Variants in FBXO36 observed in about 807,000 individuals in gnomAD.
The protein encoded by FBXO36 is F-box protein 36, also known as F-box only protein 36.
FBXO36 carries 18 observed loss-of-function variants against 17.0 expected under a neutral mutation model. The ratio of observed to expected loss-of-function variants is 1.06; its 90% CI spans 0.73 to 1.57. The LOEUF (loss-of-function observed/expected upper bound fraction) is 1.57, where lower values mean the gene tolerates loss of function less well. FBXO36 is among the 40% of genes most tolerant of loss of function. The probability of loss-of-function intolerance (pLI) is 0.00; values close to 1 mark genes in which losing one functional copy is unlikely to be tolerated. For synonymous variants in FBXO36, 83 were observed against 85.3 expected (o/e 0.97, Z 0.15); for missense variants, 229 against 221.9 (o/e 1.03, Z -0.20).
At chr2:229,989,110 T>C (rs2077285294) in intron 2 of FBXO36, among the ~76,000 whole-genome samples, 1 of 152,136 alleles carries the variant, frequency 6.6e-6, no homozygotes, top group Non-Finnish European at 1.5e-5. Context: ...GTTATAATTT[T>C]GAGTTAATGG....
chr2:229,925,305 G>A (rs1167822915), intron 1 of FBXO36, among the ~76,000 whole-genome samples: 1 of 151,954 alleles, frequency 6.6e-6, no homozygotes, highest in Non-Finnish European at 1.5e-5. Context: ...AGTAAAATTT[G>A]TTGTAAAAAA....
intron 1 of FBXO36, among the ~76,000 whole-genome samples, chr2:229,933,600 C>T (rs1022092816): frequency 3.3e-5 from 5 of 152,148 alleles, no homozygotes; most frequent in African/African-American, 1.2e-4. Flanking sequence ...GGGTGCGAGC[C>T]TATAGTCCCA....
At position 229,978,609 on chromosome 2, in the gene FBXO36, T is replaced by C. The variant is rs542152634; in HGVS notation, c.205+2260T>C. Among the ~76,000 whole-genome samples the C allele has an allele frequency of 6.6e-5, 10 of 152,002 alleles. No homozygotes were observed. In the South Asian group the frequency reaches 2.1e-3, roughly 32 times the overall value. ...TCTCAAAAAATAATAATAATAATAATAGTAATATTTTAAAGCTAGAAGACA... is the reference window on the plus strand; with the variant it reads ...TCTCAAAAAATAATAATAATAATAACAGTAATATTTTAAAGCTAGAAGACA... On this transcript the variant is annotated intron_variant, in intron 2 of 3. Coordinates refer to ENST00000283946, the MANE Select transcript of FBXO36 (RefSeq NM_174899.5).
chr2:229,967,818 G>A (rs2077161160), intron 1 of FBXO36, among the ~76,000 whole-genome samples: 1 of 152,140 alleles, frequency 6.6e-6, no homozygotes, highest in African/African-American at 2.4e-5. Context: ...TGTTCATCAG[G>A]GATATTTGTC....
chr2:229,926,204 C>CAGAT (rs2076911409), intron 1 of FBXO36, among the ~76,000 whole-genome samples: 1 of 150,540 alleles, frequency 6.6e-6, no homozygotes, highest in African/African-American at 2.5e-5. Context: ...CCGACACAGG[C>CAGAT]AGATCACTTG....
chr2:229,954,426 A>G (rs1484451560), intron 1 of FBXO36, among the ~76,000 whole-genome samples: 1 of 150,384 alleles, frequency 6.6e-6, no homozygotes, highest in East Asian at 2.0e-4. Context: ...TATTTTTAGT[A>G]AAGATGGAGT....
chr2:230,005,603 GA>G (rs2077383140), intron 3 of FBXO36, among the ~76,000 whole-genome samples: 1 of 152,102 alleles, frequency 6.6e-6, no homozygotes, highest in Non-Finnish European at 1.5e-5. Flanking sequence ...CATGCATATG[GA>G]AAAAAGGAAA....
At chr2:230,005,724 G>A (rs940161621) in intron 3 of FBXO36, among the ~76,000 whole-genome samples, 12 of 152,180 alleles carry the variant, frequency 7.9e-5, no homozygotes, top group African/African-American at 2.9e-4. Context: ...TCGGAGTGCA[G>A]TGGCACAATC....
At chr2:229,938,653 A>G (rs542278324) in intron 1 of FBXO36, among the ~76,000 whole-genome samples, 19 of 145,182 alleles carry the variant, frequency 1.3e-4, no homozygotes, top group African/African-American at 4.6e-4. Flanking sequence ...CCCCACCATC[A>G]TGCCGGGCTA....
chr2:229,952,085 A>G (rs2077060633), intron 1 of FBXO36, among the ~76,000 whole-genome samples: 1 of 152,110 alleles, frequency 6.6e-6, no homozygotes. Context: ...TATTTTAATT[A>G]CTGTATCTAA....
intron 2 of FBXO36, among the ~76,000 whole-genome samples, chr2:229,990,800 G>T (rs988880781): frequency 3.0e-4 from 46 of 152,100 alleles, no homozygotes; most frequent in African/African-American, 9.9e-4. Context: ...CATATGGATT[G>T]GTATATAATT....
intron 1 of FBXO36, among the ~76,000 whole-genome samples, chr2:229,934,364 G>A (rs2076954036): frequency 2.0e-5 from 3 of 152,112 alleles, no homozygotes; most frequent in African/African-American, 7.2e-5. Flanking sequence ...TCGCACCACT[G>A]CACTCCAGCC....
At chr2:229,986,915 A>T (rs560869575) in intron 2 of FBXO36, among the ~76,000 whole-genome samples, 15 of 152,154 alleles carry the variant, frequency 9.9e-5, no homozygotes, top group Admixed American at 9.8e-4. Context: ...AAACCTACAG[A>T]AAAGAACATT....
At chr2:229,999,668 T>TGTATATA (rs2077347963) in intron 3 of FBXO36, among the ~76,000 whole-genome samples, 1 of 151,782 alleles carries the variant, frequency 6.6e-6, no homozygotes, top group South Asian at 2.1e-4. Flanking sequence ...GTGAGCCACC[T>TGTATATA]TCCTGTCCAA....
chr2:229,931,482 A>G (rs2076938051), intron 1 of FBXO36, among the ~76,000 whole-genome samples: 1 of 152,166 alleles, frequency 6.6e-6, no homozygotes, highest in African/African-American at 2.4e-5. Context: ...TCTGAGCCCT[A>G]TTTGCCTCAT....
intron 1 of FBXO36, among the ~76,000 whole-genome samples, chr2:229,935,172 C>A (rs1056603311): frequency 6.6e-6 from 1 of 152,164 alleles, no homozygotes; most frequent in Non-Finnish European, 1.5e-5. Flanking sequence ...GAATTTCTTA[C>A]AAATGTTTTA....
Position 230,006,341 on chromosome 2 carries a change from C to T in FBXO36, c.379-4355C>T, listed in dbSNP as rs577550042. Among the ~76,000 whole-genome samples, 3 of 152,262 alleles carry T rather than the reference C, an allele frequency of 2.0e-5. No homozygotes were observed. The South Asian group carries it at 6.2e-4, about 32-fold the overall frequency. On this transcript the variant is annotated intron_variant, in intron 3 of 3. Transcript: ENST00000283946. ...TAACTTCTTACATCAGGTGATCTGC[C>T]TGCCTTGGCCTCCCAAAGTGCTGGG...
Position 229,922,574 on chromosome 2 carries a change from A to C in FBXO36, c.61A>C (p.Lys21Gln), listed in dbSNP as rs1479769544. The C allele has an allele frequency of 1.2e-6, 2 of 1,613,950 alleles. No individual in the cohort carries two copies. Among genetic ancestry groups the C allele is most frequent in the Non-Finnish European group, 1.7e-6 (2 of 1,180,014 alleles). Residue 21 changes from lysine to glutamine, a missense_variant, in exon 1 of 4, where the codon AAA (lysine) becomes CAA (glutamine). Transcript: ENST00000283946. ...TGTAGGACAAGGCCCGCCGCCTAGC[A>C]AAGACTATTACCAGTTACTGGTCAC... The part of the protein sequence containing the change: ...ETVGQGPPPS[K>Q]DYYQLLVTRS...
intron 1 of FBXO36, among the ~76,000 whole-genome samples, chr2:229,968,527 G>T (rs888229502): frequency 6.6e-6 from 1 of 152,148 alleles, no homozygotes; most frequent in African/African-American, 2.4e-5. Context: ...GAATGCTGTT[G>T]CAGGAATACC....
Sources: allele counts gnomAD v4.1 joint callset (sites outside exome capture counted in the v4.1 genomes callset), GRCh38; gene constraint gnomAD v4.1.1; transcripts MANE v1.5; gene names NCBI Gene and HGNC (gene_info 2026-07-23, HGNC 2026-07-21).